VAV1: variants seen among roughly 807,000 people sequenced by gnomAD.
The protein encoded by VAV1 is proto-oncogene vav.
In VAV1, 33 loss-of-function variants were observed where a neutral mutation model predicts 128.1. The observed-to-expected ratio is 0.26, with a 90% CI of 0.20 to 0.34. VAV1 has a LOEUF of 0.34. VAV1 is among the 10% of genes least tolerant of loss of function. The pLI is 1.00. For synonymous variants in VAV1, 394 were observed against 409.8 expected (o/e 0.96, Z 0.47); for missense variants, 715 against 1,093.7 (o/e 0.65, Z 4.88).
rs184693516 is a variant in VAV1 at position 6,774,161 on chromosome 19, T to G, written c.204+1150T>G. ...TTATTTTTTTGAGACGGAGTCTCAC[T>G]CTGTCACGCAGGCTGGAGTGCAATG... On this transcript the variant is annotated intron_variant, in intron 1 of 26. Transcript: ENST00000602142. Among the ~76,000 whole-genome samples the G allele has an allele frequency of 9.2e-3, 1,395 of 152,282 alleles. 9 individuals are homozygous for G. Among genetic ancestry groups the G allele is most frequent in the Non-Finnish European group, 0.015 (1,013 of 68,020 alleles).
intron 25 of VAV1, among the ~76,000 whole-genome samples, chr19:6,853,432 C>A (rs947007481): frequency 6.6e-6 from 1 of 151,826 alleles, no homozygotes; most frequent in African/African-American, 2.4e-5. Flanking sequence ...CCAAACCAGT[C>A]TTATTTTCTG....
At chr19:6,814,683 T>TCTTTCTTC (rs1971595847) in intron 1 of VAV1, among the ~76,000 whole-genome samples, 2 of 96,896 alleles carry the variant, frequency 2.1e-5, no homozygotes, top group African/African-American at 1.2e-4. Flanking sequence ...TTTCTTTCTT[T>TCTTTCTTC]CTTTCTTTCT....
chr19:6,774,032 G>A (rs1227269478), intron 1 of VAV1, among the ~76,000 whole-genome samples: 1 of 152,170 alleles, frequency 6.6e-6, no homozygotes, highest in Non-Finnish European at 1.5e-5. Flanking sequence ...TAAGTTAATG[G>A]AGATGGGCCC....
rs1568321298 is a variant in VAV1 at position 6,854,031 on chromosome 19, G to A, written c.2417G>A (p.Gly806Asp). 6.2e-7 allele frequency: 1 copy of A among 1,613,992 alleles called. No homozygotes were observed. Among genetic ancestry groups the A allele is most frequent in the Non-Finnish European group, 8.5e-7 (1 of 1,180,040 alleles). ...RDRSELSLKE[G>D]DIIKILNKKG... is the part of the protein sequence containing the mutation. ...CGATCAGAGCTGTCGCTCAAGGAGG[G>A]TGACATCATCAAGATCCTTAACAAG... Residue 806 changes from glycine (G) to aspartate (D), a missense_variant, in exon 26 of 27, where the codon GGT (glycine) becomes GAT (aspartate). Gly to Asp is a moderately conservative substitution (Grantham distance 94). Transcript: ENST00000602142.
intron 1 of VAV1, among the ~76,000 whole-genome samples, chr19:6,778,295 G>C (rs1970689250): frequency 1.3e-5 from 2 of 152,198 alleles, no homozygotes; most frequent in Non-Finnish European, 2.9e-5. Context: ...TGAAGGCCAA[G>C]AGACTGGAGA....
intron 24 of VAV1, among the ~76,000 whole-genome samples, chr19:6,852,367 G>C (rs1026446763): frequency 2.6e-5 from 4 of 152,168 alleles, no homozygotes; most frequent in African/African-American, 9.7e-5. Context: ...AGAAGGTTTT[G>C]AATTTGGTGA....
At chr19:6,832,611 C>T (rs1349773579) in intron 15 of VAV1, among the ~76,000 whole-genome samples, 6 of 128,168 alleles carry the variant, frequency 4.7e-5, no homozygotes, top group East Asian at 3.4e-4. Flanking sequence ...CCTCCTATTC[C>T]TCCTCCACCT....
chr19:6,800,463 C>T (rs1381790875), intron 1 of VAV1, among the ~76,000 whole-genome samples: 1 of 151,572 alleles, frequency 6.6e-6, no homozygotes, highest in African/African-American at 2.4e-5. Context: ...GCGTGTTCCA[C>T]CACACCCAGC....
intron 1 of VAV1, among the ~76,000 whole-genome samples, chr19:6,808,332 A>G (rs1195149506): frequency 6.6e-6 from 1 of 152,030 alleles, no homozygotes; most frequent in African/African-American, 2.4e-5. Context: ...AGTTCAAAAA[A>G]ACCCCAACCA....
chr19:6,782,604 C>T (rs984132543), intron 1 of VAV1, among the ~76,000 whole-genome samples: 4 of 152,132 alleles, frequency 2.6e-5, no homozygotes, highest in Non-Finnish European at 4.4e-5. Flanking sequence ...TTTTGCCAGG[C>T]ACAATGGCTC....
At chr19:6,836,959 C>G in intron 20 of VAV1, 26 bp from the exon 21 acceptor site, 1 of 1,612,966 alleles carries the variant, frequency 6.2e-7, no homozygotes, top group Non-Finnish European at 8.5e-7. Flanking sequence ...CCTCTCTGTT[C>G]CTGTTTTTGT....
intron 1 of VAV1, among the ~76,000 whole-genome samples, chr19:6,782,392 C>T (rs1190094762): frequency 6.6e-6 from 1 of 151,890 alleles, no homozygotes; most frequent in Admixed American, 6.6e-5. Flanking sequence ...GAAATGTTGA[C>T]AGTACCTTTA....
At position 6,853,923 on chromosome 19, in the gene VAV1, C is replaced by G. The variant is rs377642805; in HGVS notation, c.2333-24C>G. Reference sequence around the variant, plus strand: ...GTGGGTATCTGCCCCAGACCCTTTTCTCACTTCTGTTCTCTCTCCACAGTG... The same window carrying G: ...GTGGGTATCTGCCCCAGACCCTTTTGTCACTTCTGTTCTCTCTCCACAGTG... On this transcript the variant is annotated intron_variant, in intron 25 of 26. Transcript: ENST00000602142. 35 of 1,603,322 alleles carry G rather than the reference C, an allele frequency of 2.2e-5. No individual in the cohort carries two copies. The African/African-American group carries it at 4.5e-4, about 21-fold the overall frequency.
In VAV1 at chr19:6,853,730, C is replaced by CAA. The variant is rs371494493; in HGVS notation, c.2333-204_2333-203dup. On this transcript the variant is annotated intron_variant, in intron 25 of 26. Coordinates refer to ENST00000602142, the MANE Select transcript of VAV1 (RefSeq NM_005428.4). Reference sequence around the variant, plus strand: ...TGGGTGACAGAGAGAGACTTTATCTCAAAAAAAAAAAAAAGTGTTATTTTC... The same window carrying CAA: ...TGGGTGACAGAGAGAGACTTTATCTCAAAAAAAAAAAAAAAAGTGTTATTTTC... Among the ~76,000 whole-genome samples the CAA allele has an allele frequency of 5.8e-3, 795 of 136,128 alleles. 6 individuals carry two copies. Among genetic ancestry groups the CAA allele is most frequent in the African/African-American group, 0.02 (755 of 37,088 alleles). 89.3% of individuals were successfully genotyped at this position (136,128 alleles called of 152,430 possible). A position where few individuals can be genotyped will look rare whatever the true frequency, so the allele number is the denominator to read the frequency against.
intron 21 of VAV1, among the ~76,000 whole-genome samples, chr19:6,841,764 G>C (rs548046777): frequency 2.0e-5 from 3 of 151,260 alleles, no homozygotes; most frequent in Non-Finnish European, 4.4e-5. Context: ...ATGAGCCACC[G>C]TGTCCAGCAC....
chr19:6,828,793 AG>A lies in VAV1; in HGVS notation c.1180-21del, dbSNP rs747594041. The A allele has an allele frequency of 9.3e-6, 15 of 1,613,948 alleles. No homozygotes were observed. Among genetic ancestry groups the A allele is most frequent in the Non-Finnish European group, 1.3e-5 (15 of 1,179,986 alleles). On this transcript the variant is annotated intron_variant, in intron 12 of 26. Transcript: ENST00000602142. The surrounding 1 kb of genome is among the most constrained non-coding windows in gnomAD (Gnocchi z 4.5). Reference sequence around the variant, plus strand: ...GCTCCTTTCTTGGGAGACCCTTGCTAGACCCCCTGCCTACTGCATAGGACCA... The same window carrying A: ...GCTCCTTTCTTGGGAGACCCTTGCTAACCCCCTGCCTACTGCATAGGACCA...
intron 1 of VAV1, among the ~76,000 whole-genome samples, chr19:6,784,987 T>G (rs763622630): frequency 9.2e-5 from 14 of 152,154 alleles, no homozygotes; most frequent in Non-Finnish European, 2.1e-4. Flanking sequence ...TTGGCCTCTG[T>G]CCATCTCTCA....
chr19:6,779,656 T>G (rs1210811840), intron 1 of VAV1, among the ~76,000 whole-genome samples: 3 of 138,648 alleles, frequency 2.2e-5, no homozygotes, highest in African/African-American at 8.0e-5. Flanking sequence ...GGTACAGGAG[T>G]TAGAGGCCAG....
chr19:6,841,763 C>T (rs1305212943), intron 21 of VAV1, among the ~76,000 whole-genome samples: 7 of 151,990 alleles, frequency 4.6e-5, no homozygotes, highest in Non-Finnish European at 8.8e-5. Flanking sequence ...CATGAGCCAC[C>T]GTGTCCAGCA....
Sources: gnomAD v4.1 joint callset for allele counts (sites outside exome capture counted in the v4.1 genomes callset) on GRCh38, gnomAD v4.1.1 for gene constraint, Gnocchi (gnomAD v3.1) non-coding constraint, MANE v1.5 for transcripts, NCBI Gene and HGNC (gene_info 2026-07-23, HGNC 2026-07-21) for gene names.